MECOM: variants seen among roughly 807,000 people sequenced by gnomAD.
The protein encoded by MECOM is MDS1 and EVI1 complex locus.
In MECOM, 13 loss-of-function variants were observed where a neutral mutation model predicts 116.3. That is an observed-to-expected ratio of 0.11 (90% CI 0.07 to 0.18). MECOM has a LOEUF of 0.18. Among genes scored for constraint, MECOM ranks in the 10% least tolerant of loss-of-function variants. The pLI is 1.00. For synonymous variants in MECOM, 528 were observed against 535.2 expected, an observed-to-expected ratio of 0.99 and a Z score of 0.19; for missense variants, 1,299 against 1,509.0, an observed-to-expected ratio of 0.86 and a Z score of 2.31.
At chr3:169,167,017 C>T (rs1743697686) in intron 2 of MECOM, among the ~76,000 whole-genome samples, 1 of 152,080 alleles carries the variant, frequency 6.6e-6, no homozygotes, top group African/African-American at 2.4e-5. Flanking sequence ...TTGCCAGAGA[C>T]AGGCTGGAGT....
chr3:169,472,513 G>GAAAAGAAAAGAAAAGAAAAGA (rs1560317687), intron 1 of MECOM, among the ~76,000 whole-genome samples: 10 of 81,508 alleles, frequency 1.2e-4, no homozygotes, highest in African/African-American at 1.7e-4. Flanking sequence ...GAAAGGAAAG[G>GAAAAGAAAAGAAAAGAAAAGA]AAAGGAAAGA....
chr3:169,295,975 A>G (rs1438961038), intron 2 of MECOM, among the ~76,000 whole-genome samples: 1 of 152,210 alleles, frequency 6.6e-6, no homozygotes, highest in Non-Finnish European at 1.5e-5. Context: ...ACAGTAACAT[A>G]TTGGTTGAAC....
chr3:169,255,766 C>T (rs1008356673), intron 2 of MECOM, among the ~76,000 whole-genome samples: 4 of 152,114 alleles, frequency 2.6e-5, no homozygotes, highest in Admixed American at 6.6e-5. Flanking sequence ...TGAAGACATC[C>T]AGCTGGAAAG....
At chr3:169,289,929 G>A (rs1452964520) in intron 2 of MECOM, among the ~76,000 whole-genome samples, 3 of 152,162 alleles carry the variant, frequency 2.0e-5, no homozygotes, top group Non-Finnish European at 2.9e-5. Flanking sequence ...GTAGCTTGGT[G>A]AGCCCACCTC....
intron 2 of MECOM, among the ~76,000 whole-genome samples, chr3:169,305,410 G>T (rs1717486439): frequency 1.3e-5 from 2 of 152,126 alleles, no homozygotes; most frequent in South Asian, 4.2e-4. Flanking sequence ...CCTAATTGTG[G>T]GGGCTGGAAA....
chr3:169,122,332 A>T (rs749425706), intron 6 of MECOM, among the ~76,000 whole-genome samples: 1 of 152,222 alleles, frequency 6.6e-6, no homozygotes, highest in Non-Finnish European at 1.5e-5. Context: ...TTTACCAAGG[A>T]TGTCTGACAC....
intron 9 of MECOM, among the ~76,000 whole-genome samples, chr3:169,112,565 G>C (rs1366283986): frequency 6.6e-6 from 1 of 152,132 alleles, no homozygotes; most frequent in Admixed American, 6.6e-5. Context: ...GTTAATAGCA[G>C]ACAATCATTT....
chr3:169,116,167 G>C lies in MECOM; in HGVS notation c.1705C>G (p.Pro569Ala), dbSNP rs767012158. The C allele has an allele frequency of 6.8e-6, 11 of 1,614,068 alleles. No individual in the cohort carries two copies. In the South Asian group the frequency reaches 9.9e-5, roughly 14 times the overall value. The change falls in exon 8 of 17, where the codon CCC becomes GCC. Residue 569 changes from proline to alanine, a missense_variant. This residue lies in a region of MECOM where 238 missense variants were observed against 273.1 expected (regional missense o/e 0.87). Transcript: ENST00000651503. The part of the protein sequence containing the change: ...LQPERSSEER[P>A]FEKISDQSES... ...GACTGGTCACTGATTTTCTCAAAGG[G>C]CCTCTCTTCAGAGGACCTCTCGGGC... is the stretch of plus-strand genomic sequence containing the variant.
chr3:169,134,160 A>C (rs1735665309), intron 3 of MECOM, among the ~76,000 whole-genome samples: 1 of 152,322 alleles, frequency 6.6e-6, no homozygotes, highest in South Asian at 2.1e-4. Context: ...ACTATTAATC[A>C]TGTCTCTTTT....
At chr3:169,277,628 G>T (rs547500175) in intron 2 of MECOM, among the ~76,000 whole-genome samples, 1 of 152,196 alleles carries the variant, frequency 6.6e-6, no homozygotes, top group African/African-American at 2.4e-5. Flanking sequence ...CCTAATGGGG[G>T]TCCTTTCTTC....
intron 1 of MECOM, among the ~76,000 whole-genome samples, chr3:169,520,783 A>T (rs1244810272): frequency 6.6e-6 from 1 of 152,220 alleles, no homozygotes; most frequent in Non-Finnish European, 1.5e-5. Context: ...TCTCAAAAAA[A>T]AATGGCTATG....
rs1297078528 is a variant in MECOM at position 169,084,384 on chromosome 3, T to C, written c.*525A>G. ...AAGTACTCCCTGTTATCAGTTTCTA[T>C]AATAATTGACTGTGCATTTCATCCA... On this transcript the variant is annotated 3_prime_UTR_variant, in exon 17 of 17. Coordinates refer to ENST00000651503, the MANE Select transcript of MECOM (RefSeq NM_004991.4). 4.3e-6 allele frequency: 1 copy of C among 231,684 alleles called. No individual in the cohort carries two copies. The highest frequency in any genetic ancestry group is 2.2e-5 in the African/African-American group (1 of 45,250). 14.4% of individuals were successfully genotyped at this position (231,684 alleles called of 1,614,324 possible).
intron 2 of MECOM, among the ~76,000 whole-genome samples, chr3:169,380,459 T>A (rs1732210863): frequency 6.6e-6 from 1 of 152,208 alleles, no homozygotes; most frequent in Non-Finnish European, 1.5e-5. Context: ...CCTGTCTTTA[T>A]TGAAATAAAT....
At chr3:169,280,041 G>T (rs549069872) in intron 2 of MECOM, among the ~76,000 whole-genome samples, 51 of 152,286 alleles carry the variant, frequency 3.3e-4, no homozygotes, top group African/African-American at 1.2e-3. Context: ...GCAGAGGAGA[G>T]AAATACAAAT....
chr3:169,212,304 CCT>C (rs1026342110), intron 2 of MECOM, among the ~76,000 whole-genome samples: 15 of 151,936 alleles, frequency 9.9e-5, no homozygotes, highest in Admixed American at 3.3e-4. Context: ...CATGCCATCC[CCT>C]GTTAAAATGC....
chr3:169,360,065 T>C (rs1433787751), intron 2 of MECOM, among the ~76,000 whole-genome samples: 1 of 151,638 alleles, frequency 6.6e-6, no homozygotes, highest in Non-Finnish European at 1.5e-5. Context: ...AGGAAGAATC[T>C]ACCTACACTC....
intron 1 of MECOM, among the ~76,000 whole-genome samples, chr3:169,553,461 T>A (rs757338397): frequency 7.2e-5 from 11 of 152,212 alleles, no homozygotes; most frequent in Non-Finnish European, 1.5e-4. Context: ...CCCAAGTACC[T>A]ATAAGAGCAT....
intron 2 of MECOM, among the ~76,000 whole-genome samples, chr3:169,180,600 T>C (rs1334901222): frequency 6.6e-6 from 1 of 151,806 alleles, no homozygotes; most frequent in African/African-American, 2.4e-5. Context: ...TCCTGAGTAT[T>C]TGAGTTGCAT....
intron 2 of MECOM, among the ~76,000 whole-genome samples, chr3:169,343,303 T>C (rs1359470078): frequency 2.0e-5 from 3 of 152,102 alleles, no homozygotes; most frequent in Non-Finnish European, 4.4e-5. Context: ...CAACAATTAG[T>C]TTGTTGAAGA....
Sources: gnomAD v4.1 joint callset for allele counts (sites outside exome capture counted in the v4.1 genomes callset) on GRCh38, gnomAD v4.1.1 for gene constraint, gnomAD v4.1.1 regional missense constraint, MANE v1.5 for transcripts, NCBI Gene and HGNC (gene_info 2026-07-23, HGNC 2026-07-21) for gene names.